The following FARS2 variants were observed in gnomAD, a reference collection of about 807,000 sequenced individuals.
The protein encoded by FARS2 is phenylalanine--tRNA ligase, mitochondrial.
Under a neutral mutation model 46.4 loss-of-function variants are expected in FARS2, and 40 were observed. The ratio of observed to expected loss-of-function variants is 0.86; its 90% CI spans 0.67 to 1.12. The LOEUF (loss-of-function observed/expected upper bound fraction) is 1.12. Ranked by LOEUF, FARS2 falls within the 50% of genes most tolerant of loss-of-function variation. The pLI is 0.00. For missense variants in FARS2, 513 were observed against 567.9 expected, an observed-to-expected ratio of 0.90 and a Z score of 0.98; for synonymous variants, 234 against 214.9, an observed-to-expected ratio of 1.09 and a Z score of -0.78.
intron 4 of FARS2, among the ~76,000 whole-genome samples, chr6:5,476,533 GATGA>G (rs70975911): frequency 4.0e-5 from 6 of 151,300 alleles, no homozygotes; most frequent in South Asian, 2.1e-4. Context: ...ATAGTTATTG[GATGA>G]ATGAATGAAT....
chr6:5,710,997 C>G (rs1233365249), intron 6 of FARS2, among the ~76,000 whole-genome samples: 2 of 152,180 alleles, frequency 1.3e-5, no homozygotes, highest in Non-Finnish European at 2.9e-5. Context: ...TACAAGTCTT[C>G]TTGGAGAAGT....
At chr6:5,484,175 T>C (rs970356834) in intron 4 of FARS2, among the ~76,000 whole-genome samples, 2 of 152,200 alleles carry the variant, frequency 1.3e-5, no homozygotes, top group African/African-American at 4.8e-5. Flanking sequence ...CCATTATTTC[T>C]GGATGGGCCA....
At chr6:5,583,745 AAAGT>A (rs1326338682) in intron 5 of FARS2, among the ~76,000 whole-genome samples, 1 of 152,204 alleles carries the variant, frequency 6.6e-6, no homozygotes, top group Non-Finnish European at 1.5e-5. Context: ...CAGGACTCTG[AAAGT>A]AAGTGAGGAA....
intron 1 of FARS2, among the ~76,000 whole-genome samples, chr6:5,303,259 C>G (rs1238093576): frequency 6.6e-6 from 1 of 152,128 alleles, no homozygotes; most frequent in Admixed American, 6.5e-5. Flanking sequence ...AGCATTGACA[C>G]TAGGGTATAA....
chr6:5,284,803 C>G (rs1018276889), intron 1 of FARS2, among the ~76,000 whole-genome samples: 7 of 152,088 alleles, frequency 4.6e-5, no homozygotes, highest in Admixed American at 2.6e-4. Context: ...GTGGGTCTTC[C>G]TCCTCTCAGC....
intron 6 of FARS2, among the ~76,000 whole-genome samples, chr6:5,740,533 G>A (rs1282914347): frequency 6.6e-6 from 1 of 151,278 alleles, no homozygotes. Flanking sequence ...AAATCCATCA[G>A]CTTGGCTTCA....
intron 1 of FARS2, among the ~76,000 whole-genome samples, chr6:5,279,047 G>A (rs758780102): frequency 7.9e-5 from 12 of 152,048 alleles, no homozygotes; most frequent in Non-Finnish European, 1.0e-4. Flanking sequence ...AACTGAGGAT[G>A]GTGTGCTGTG....
chr6:5,341,900 A>C (rs1477856548), intron 1 of FARS2, among the ~76,000 whole-genome samples: 1 of 152,226 alleles, frequency 6.6e-6, no homozygotes, highest in Non-Finnish European at 1.5e-5. Context: ...AATAATTTCC[A>C]GTTCTTACCT....
intron 4 of FARS2, among the ~76,000 whole-genome samples, chr6:5,530,961 T>G (rs1769789699): frequency 6.7e-6 from 1 of 149,918 alleles, no homozygotes; most frequent in Admixed American, 6.7e-5. Flanking sequence ...ATTATAAATA[T>G]TAATAAATGT....
intron 1 of FARS2, among the ~76,000 whole-genome samples, chr6:5,349,700 T>C (rs1057321365): frequency 1.3e-5 from 2 of 152,194 alleles, no homozygotes. Context: ...ATACCCTTTT[T>C]CCATTCCAGG....
chr6:5,616,437 A>C (rs1775483843), intron 6 of FARS2, among the ~76,000 whole-genome samples: 2 of 152,194 alleles, frequency 1.3e-5, no homozygotes, highest in Admixed American at 1.3e-4. Flanking sequence ...ATTCTTTTTT[A>C]GTACAAGTTG....
intron 1 of FARS2, among the ~76,000 whole-genome samples, chr6:5,279,288 A>C (rs1325238291): frequency 6.6e-6 from 1 of 151,242 alleles, no homozygotes; most frequent in Non-Finnish European, 1.5e-5. Context: ...GAGGCAGGAG[A>C]ATCACTTGAA....
At chr6:5,692,143 G>C (rs961656430) in intron 6 of FARS2, among the ~76,000 whole-genome samples, 1 of 152,202 alleles carries the variant, frequency 6.6e-6, no homozygotes, top group Non-Finnish European at 1.5e-5. Flanking sequence ...TCCCGGGTGA[G>C]GCGATACCTT....
intron 4 of FARS2, among the ~76,000 whole-genome samples, chr6:5,513,785 G>A (rs943726932): frequency 6.6e-5 from 10 of 152,170 alleles, no homozygotes; most frequent in African/African-American, 2.4e-4. Flanking sequence ...AGTTCTCAGA[G>A]TTTATTGCTG....
At chr6:5,387,327 C>T (rs1760200867) in intron 2 of FARS2, among the ~76,000 whole-genome samples, 1 of 152,086 alleles carries the variant, frequency 6.6e-6, no homozygotes, top group East Asian at 1.9e-4. Context: ...GGGAAGGCAC[C>T]CTTTTCCTGT....
intron 6 of FARS2, among the ~76,000 whole-genome samples, chr6:5,632,270 G>A (rs991062946): frequency 9.2e-5 from 14 of 152,230 alleles, no homozygotes; most frequent in African/African-American, 2.9e-4. Flanking sequence ...CTCTGAATCC[G>A]AGGTCTCAGA....
rs149011645 is a variant in FARS2, at chr6:5,423,601, G to A, written c.773-7440G>A. 3.0e-3 allele frequency among the ~76,000 whole-genome samples: 464 copies of A among 152,242 alleles called. 4 individuals carry two copies. The highest frequency in any genetic ancestry group is 0.011 in the African/African-American group (450 of 41,536). ...TTGCTTTGTGTTTGTCTTAGCAGGA[G>A]TCATTGTGGCTGAAATAGTGTTAAT... On this transcript the variant is annotated intron_variant, in intron 3 of 6. Transcript: ENST00000274680.
At chr6:5,473,930 A>G (rs1384323366) in intron 4 of FARS2, among the ~76,000 whole-genome samples, 1 of 152,278 alleles carries the variant, frequency 6.6e-6, no homozygotes, top group South Asian at 2.1e-4. Context: ...CTAGCTGCTG[A>G]TATCACTGTG....
upstream of FARS2, among the ~76,000 whole-genome samples, chr6:5,256,813 G>C (rs1009536889): frequency 6.6e-6 from 1 of 152,084 alleles, no homozygotes; most frequent in African/African-American, 2.4e-5. Flanking sequence ...AGCTAGTTCT[G>C]TATTACCTGA....
Sources: gnomAD v4.1 joint callset for allele counts (sites outside exome capture counted in the v4.1 genomes callset) on GRCh38, gnomAD v4.1.1 for gene constraint, MANE v1.5 for transcripts, NCBI Gene and HGNC (gene_info 2026-07-23, HGNC 2026-07-21) for gene names.